ANKRD11: variants seen among roughly 807,000 people sequenced by gnomAD.
ANKRD11 encodes the protein ankyrin repeat domain 11.
ANKRD11 carries 17 observed loss-of-function variants against 195.7 expected under a neutral mutation model. The ratio of observed to expected loss-of-function variants is 0.09; its 90% CI spans 0.06 to 0.13. ANKRD11 has a LOEUF of 0.13. Among genes scored for constraint, ANKRD11 ranks in the 10% least tolerant of loss-of-function variants. The pLI, the probability that ANKRD11 is intolerant of heterozygous loss-of-function variation, is 1.00. For missense variants in ANKRD11, 3,735 were observed against 3,566.1 expected (o/e 1.05, Z -1.21); for synonymous variants, 1,953 against 1,528.1 (o/e 1.28, Z -6.49).
At chr16:89,333,862 TGTGA>T (rs2038193067) in intron 2 of ANKRD11, among the ~76,000 whole-genome samples, 1 of 152,124 alleles carries the variant, frequency 6.6e-6, no homozygotes, top group Non-Finnish European at 1.5e-5. Context: ...GGTATTATTC[TGTGA>T]GTATGTTCCC....
At chr16:89,456,382 C>G (rs2152324980) in intron 1 of ANKRD11, among the ~76,000 whole-genome samples, 1 of 151,442 alleles carries the variant, frequency 6.6e-6, no homozygotes, top group East Asian at 2.0e-4. Flanking sequence ...AACCCTGTCT[C>G]TACTAAAAAT....
intron 1 of ANKRD11, among the ~76,000 whole-genome samples, chr16:89,444,773 GTC>G (rs1282712893): frequency 6.6e-6 from 1 of 151,962 alleles, no homozygotes; most frequent in Non-Finnish European, 1.5e-5. Flanking sequence ...GCCAGATCCC[GTC>G]TCTGTTATAA....
intron 2 of ANKRD11, among the ~76,000 whole-genome samples, chr16:89,368,352 G>C (rs1336602286): frequency 6.9e-6 from 1 of 145,196 alleles, no homozygotes; most frequent in African/African-American, 2.5e-5. Context: ...GCCTGCTGCC[G>C]TGCCTGGCTA....
At chr16:89,372,160 C>A (rs567421650) in intron 2 of ANKRD11, among the ~76,000 whole-genome samples, 1 of 152,362 alleles carries the variant, frequency 6.6e-6, no homozygotes, top group South Asian at 2.1e-4. Flanking sequence ...GGAAGAAGGA[C>A]CGGCGCCCAC....
chr16:89,401,911 G>T (rs1408163955), intron 2 of ANKRD11, among the ~76,000 whole-genome samples: 2 of 149,522 alleles, frequency 1.3e-5, no homozygotes, highest in Admixed American at 1.3e-4. Flanking sequence ...CCATCCCCCA[G>T]AACCTGGAGA....
At chr16:89,411,234 AC>A (rs1250076413) in intron 2 of ANKRD11, among the ~76,000 whole-genome samples, 1 of 152,198 alleles carries the variant, frequency 6.6e-6, no homozygotes, top group East Asian at 1.9e-4. Flanking sequence ...TGGTGCCACC[AC>A]GGGGGCCCAG....
chr16:89,341,851 C>T (rs2151997750), intron 2 of ANKRD11, among the ~76,000 whole-genome samples: 1 of 150,670 alleles, frequency 6.6e-6, no homozygotes, highest in South Asian at 2.1e-4. Context: ...GGGAGTGCTG[C>T]ACCTCCACCC....
intron 1 of ANKRD11, among the ~76,000 whole-genome samples, chr16:89,426,273 T>C (rs2042710879): frequency 6.6e-6 from 1 of 151,898 alleles, no homozygotes; most frequent in African/African-American, 2.4e-5. Flanking sequence ...GACAAAGGCA[T>C]GAAATCAAAC....
At chr16:89,387,773 C>A (rs1302001934) in intron 2 of ANKRD11, among the ~76,000 whole-genome samples, 2 of 150,248 alleles carry the variant, frequency 1.3e-5, no homozygotes, top group African/African-American at 4.9e-5. Context: ...GAGGCTGAGG[C>A]AGGTGAATCA....
In ANKRD11 at chr16:89,280,169, C is replaced by G. The variant is rs764665666; in HGVS notation, c.6373G>C (p.Ala2125Pro). ...VEPVPWADAF[A>P]GPEDDLDLGP... ...AGGTCCAGGTCGTCCTCGGGGCCGG[C>G]GAAGGCGTCCGCCCAGGGCACCGGC... Residue 2125 changes from alanine to proline, a missense_variant, in exon 9 of 13, where the codon GCC (alanine) becomes CCC (proline). By Grantham distance (27) the Ala-to-Pro change is conservative. Transcript: ENST00000301030. 1.2e-6 allele frequency: 2 copies of G among 1,608,964 alleles called. No individual in the cohort carries two copies. The highest frequency in any genetic ancestry group is 1.7e-6 in the Non-Finnish European group (2 of 1,178,744).
chr16:89,475,296 G>A (rs911595436), intron 1 of ANKRD11, among the ~76,000 whole-genome samples: 4 of 152,146 alleles, frequency 2.6e-5, no homozygotes, highest in Admixed American at 2.0e-4. Flanking sequence ...AGCTCCTGAG[G>A]CTCCGTGGCC....
chr16:89,387,961 C>T (rs554539429), intron 2 of ANKRD11, among the ~76,000 whole-genome samples: 4 of 148,526 alleles, frequency 2.7e-5, no homozygotes, highest in East Asian at 2.0e-4. Flanking sequence ...TGCAGTGAGC[C>T]GAGATGGTGC....
chr16:89,488,823 C>T (rs759558121), intron 1 of ANKRD11, among the ~76,000 whole-genome samples: 5 of 152,204 alleles, frequency 3.3e-5, no homozygotes, highest in Non-Finnish European at 7.3e-5. Context: ...GCATAAAACT[C>T]TCTCCTCATG....
intron 2 of ANKRD11, among the ~76,000 whole-genome samples, chr16:89,346,984 G>C (rs770086305): frequency 1.3e-5 from 2 of 152,188 alleles, no homozygotes; most frequent in Non-Finnish European, 2.9e-5. Context: ...AGGAAGGCGC[G>C]AACTGTCTGC....
chr16:89,389,185 ATT>A (rs879261011), intron 2 of ANKRD11, among the ~76,000 whole-genome samples: 1 of 146,538 alleles, frequency 6.8e-6, no homozygotes, highest in Admixed American at 6.8e-5. Context: ...CGTCTGGCTA[ATT>A]TTTTTTTTTT....
intron 2 of ANKRD11, among the ~76,000 whole-genome samples, chr16:89,391,439 C>T (rs930072410): frequency 6.6e-6 from 1 of 152,090 alleles, no homozygotes; most frequent in African/African-American, 2.4e-5. Flanking sequence ...TTGTGGGACA[C>T]CCAGCTGGTG....
At chr16:89,436,863 G>T (rs1228846655) in intron 1 of ANKRD11, among the ~76,000 whole-genome samples, 1 of 152,212 alleles carries the variant, frequency 6.6e-6, no homozygotes, top group African/African-American at 2.4e-5. Flanking sequence ...GAAGCTTTGT[G>T]TTTTGCTCTT....
chr16:89,436,206 G>A (rs2043209949), intron 1 of ANKRD11, among the ~76,000 whole-genome samples: 2 of 152,140 alleles, frequency 1.3e-5, no homozygotes, highest in Non-Finnish European at 2.9e-5. Context: ...CCTGAGGTCA[G>A]GAGTTCGAGA....
chr16:89,278,922 G>A (rs1283459154), intron 9 of ANKRD11, 150 bp downstream of exon 9: 6 of 1,295,688 alleles, frequency 4.6e-6, no homozygotes, highest in African/African-American at 4.4e-5. Context: ...CTCCACAGCA[G>A]AAGTGGGGCT....
Sources: gnomAD v4.1 joint callset for allele counts (sites outside exome capture counted in the v4.1 genomes callset) on GRCh38, gnomAD v4.1.1 for gene constraint, MANE v1.5 for transcripts, NCBI Gene and HGNC (gene_info 2026-07-23, HGNC 2026-07-21) for gene names.